NIBAN2: variants seen among roughly 807,000 people sequenced by gnomAD.
NIBAN2 encodes the protein protein Niban 2.
In NIBAN2, 36 loss-of-function variants were observed where a neutral mutation model predicts 81.8. The ratio of observed to expected loss-of-function variants is 0.44; its 90% CI spans 0.34 to 0.58. The LOEUF (loss-of-function observed/expected upper bound fraction) is 0.58, where lower values mean the gene tolerates loss of function less well. Among genes scored for constraint, NIBAN2 ranks in the 20% least tolerant of loss-of-function variants. The probability of loss-of-function intolerance (pLI) is 0.02; values close to 1 mark genes in which losing one functional copy is unlikely to be tolerated. For synonymous variants in NIBAN2, 445 were observed against 441.6 expected (o/e 1.01, Z -0.10); for missense variants, 897 against 1,014.1 (o/e 0.88, Z 1.57).
chr9:127,541,227 C>G (rs188483250), intron 1 of NIBAN2, among the ~76,000 whole-genome samples: 27 of 152,320 alleles, frequency 1.8e-4, no homozygotes, highest in African/African-American at 6.5e-4. Context: ...TCCAACAGAG[C>G]TGGGTTGGCA....
At chr9:127,558,851 C>A (rs1293433516) in intron 1 of NIBAN2, among the ~76,000 whole-genome samples, 1 of 152,172 alleles carries the variant, frequency 6.6e-6, no homozygotes, top group Non-Finnish European at 1.5e-5. Flanking sequence ...AGCTAAAACG[C>A]AATTGCCATT....
In NIBAN2 at chr9:127,508,645, GC is replaced by G; in HGVS notation, c.1318-108del. 1.0e-6 allele frequency: 1 copy of G among 964,404 alleles called. No individual in the cohort carries two copies. Among genetic ancestry groups the G allele is most frequent in the Non-Finnish European group, 1.6e-6 (1 of 608,614 alleles). 59.7% of individuals were successfully genotyped at this position (964,404 alleles called of 1,614,324 possible). On this transcript the variant is annotated intron_variant, in intron 10 of 13. Transcript: ENST00000373312. This position sits in a 1 kb window ranked among gnomAD's most constrained non-coding sequence, Gnocchi z 6.4. ...CAACCAGCCCCCCACCCCGAGGCCT[GC>G]CAGGGAGGAATGGCAAGCGGTCTAT... is the stretch of plus-strand genomic sequence containing the variant.
Position 127,517,699 on chromosome 9 carries a change from T to C in NIBAN2, c.705+127A>G, listed in dbSNP as rs529978889. On this transcript the variant is annotated intron_variant, in intron 6 of 13. Coordinates refer to ENST00000373312, the MANE Select transcript of NIBAN2 (RefSeq NM_022833.4). This position sits in a 1 kb window ranked among gnomAD's most constrained non-coding sequence, Gnocchi z 4.0. Reference sequence around the variant, plus strand: ...CACTGGCCCTGCACTTGTCCAAATCTAAGCATGTCATCTCCTTCCAAACCG... The same window carrying C: ...CACTGGCCCTGCACTTGTCCAAATCCAAGCATGTCATCTCCTTCCAAACCG... 2 of 691,792 alleles carry C rather than the reference T, an allele frequency of 2.9e-6. No homozygotes were observed. Among genetic ancestry groups the C allele is most frequent in the African/African-American group, 1.8e-5 (1 of 56,460 alleles). 42.9% of individuals were successfully genotyped at this position (691,792 alleles called of 1,614,324 possible).
At chr9:127,570,968 C>G (rs913782228), upstream of NIBAN2, among the ~76,000 whole-genome samples, 4 of 152,278 alleles carry the variant, frequency 2.6e-5, no homozygotes, top group African/African-American at 9.6e-5. Context: ...GTCTGATTCT[C>G]TCTGAGCAAC....
intron 5 of NIBAN2, among the ~76,000 whole-genome samples, chr9:127,518,674 C>T (rs778630270): frequency 6.6e-6 from 1 of 152,230 alleles, no homozygotes; most frequent in Non-Finnish European, 1.5e-5. Context: ...GTTTCCTCTT[C>T]TGAACAATGG....
At chr9:127,532,619 A>T (rs1031104938) in intron 1 of NIBAN2, among the ~76,000 whole-genome samples, 54 of 152,150 alleles carry the variant, frequency 3.5e-4, no homozygotes, top group African/African-American at 6.3e-4. Context: ...AAAAAAATTT[A>T]AAAAAATGGA....
intron 1 of NIBAN2, among the ~76,000 whole-genome samples, chr9:127,577,113 G>C (rs1588198460): frequency 6.6e-6 from 1 of 151,764 alleles, no homozygotes; most frequent in South Asian, 2.1e-4. Flanking sequence ...TTTGAGACCA[G>C]CCTGGCCAAC....
chr9:127,517,101 G>A lies in NIBAN2; in HGVS notation c.810+11C>T. 6.2e-7 allele frequency: 1 copy of A among 1,612,694 alleles called. No individual in the cohort carries two copies. The highest frequency in any genetic ancestry group is 8.5e-7 in the Non-Finnish European group (1 of 1,179,158). On this transcript the variant is annotated intron_variant, in intron 7 of 13. Transcript: ENST00000373312. The surrounding 1 kb of genome is among the most constrained non-coding windows in gnomAD (Gnocchi z 4.0). ...GTCCCGTCCCCGCTCCAGGGCCCCA[G>A]GCCCACCCACCTGGATCCACTGCCG... is the stretch of plus-strand genomic sequence containing the variant.
intron 3 of NIBAN2, 74 bp from the exon 4 acceptor site, chr9:127,525,237 C>G: frequency 8.8e-7 from 1 of 1,138,988 alleles, no homozygotes; most frequent in Middle Eastern, 2.0e-4. Context: ...GCTTCAAGGC[C>G]CTACTCAGTG....
At chr9:127,575,418 G>A (rs1837997362) in intron 1 of NIBAN2, among the ~76,000 whole-genome samples, 2 of 151,732 alleles carry the variant, frequency 1.3e-5, no homozygotes, top group Admixed American at 1.3e-4. Context: ...AGTAGAGACG[G>A]GGTTTTACCA....
chr9:127,535,356 C>A (rs1222968167), intron 1 of NIBAN2, among the ~76,000 whole-genome samples: 1 of 152,224 alleles, frequency 6.6e-6, no homozygotes, highest in African/African-American at 2.4e-5. Context: ...CAGAAAGGCC[C>A]CTGGGCTGGG....
chr9:127,511,761 T>G (rs1836739983), intron 8 of NIBAN2, among the ~76,000 whole-genome samples: 1 of 152,006 alleles, frequency 6.6e-6, no homozygotes, highest in South Asian at 2.1e-4. Flanking sequence ...GGCAAAAGAT[T>G]TGAATACATA....
intron 3 of NIBAN2, among the ~76,000 whole-genome samples, chr9:127,526,141 C>T (rs547285937): frequency 6.2e-4 from 94 of 152,094 alleles, no homozygotes; most frequent in African/African-American, 2.2e-3. Context: ...GTGGCTCACG[C>T]CTGTAATCGC....
In NIBAN2 at chr9:127,516,840, C is replaced by T. The variant is rs749989727; in HGVS notation, c.973+17G>A. ...TGGCCCCTGGAGGGCCCGTCGAGCACGGGGGTGGCTGCCTACCTCGGATCT... is the reference window on the plus strand; with the variant it reads ...TGGCCCCTGGAGGGCCCGTCGAGCATGGGGGTGGCTGCCTACCTCGGATCT... On this transcript the variant is annotated intron_variant, in intron 8 of 13. Transcript: ENST00000373312. The T allele has an allele frequency of 6.5e-5, 104 of 1,604,606 alleles. No homozygotes were observed. The highest frequency in any genetic ancestry group is 7.9e-5 in the Non-Finnish European group (93 of 1,172,232).
In NIBAN2 at chr9:127,568,593, C is replaced by G. The variant is rs575275481; in HGVS notation, c.55+227G>C. Reference sequence around the variant, plus strand: ...AGGGGTTCCGGGAGAGAAGGAGTTCCGAGTCCCCTTGAGCCGGGAAAGGTG... The same window carrying G: ...AGGGGTTCCGGGAGAGAAGGAGTTCGGAGTCCCCTTGAGCCGGGAAAGGTG... On this transcript the variant is annotated intron_variant, in intron 1 of 13. Coordinates refer to ENST00000373312, the MANE Select transcript of NIBAN2 (RefSeq NM_022833.4). Among the ~76,000 whole-genome samples the G allele has an allele frequency of 2.0e-5, 3 of 152,024 alleles. No individual in the cohort carries two copies. The East Asian group carries it at 5.9e-4, about 30-fold the overall frequency.
In NIBAN2 at chr9:127,508,412, G is replaced by A; in HGVS notation, c.1434+10C>T. 1.2e-6 allele frequency: 2 copies of A among 1,602,178 alleles called. No individual in the cohort carries two copies. Among genetic ancestry groups the A allele is most frequent in the Non-Finnish European group, 1.7e-6 (2 of 1,174,860 alleles). ...TAGGACGGTCCGGGGCAGGGCGTGG[G>A]GCCGCTCACCTTCAGCACCCGCTCC... is the stretch of plus-strand genomic sequence containing the variant. On this transcript the variant is annotated intron_variant, in intron 11 of 13. Transcript: ENST00000373312. This position sits in a 1 kb window ranked among gnomAD's most constrained non-coding sequence, Gnocchi z 6.4.
intron 3 of NIBAN2, 85 bp downstream of exon 3, chr9:127,527,109 T>C (rs1837083281): frequency 1.3e-6 from 2 of 1,551,494 alleles, no homozygotes; most frequent in African/African-American, 2.7e-5. Context: ...CGGTGGCGTC[T>C]GGGGCCTAAG....
chr9:127,516,568 G>A (rs375603365), intron 8 of NIBAN2, among the ~76,000 whole-genome samples: 6 of 152,216 alleles, frequency 3.9e-5, no homozygotes, highest in Non-Finnish European at 4.4e-5. Flanking sequence ...CTTGCTGAAC[G>A]TAAATGTACT....
At chr9:127,538,621 C>T (rs1837321801) in intron 1 of NIBAN2, among the ~76,000 whole-genome samples, 1 of 128,386 alleles carries the variant, frequency 7.8e-6, no homozygotes, top group Non-Finnish European at 1.7e-5. Flanking sequence ...AGTGAGACTC[C>T]ATCTCAAAGA....
Sources: allele counts gnomAD v4.1 joint callset (sites outside exome capture counted in the v4.1 genomes callset), GRCh38; gene constraint gnomAD v4.1.1; non-coding constraint Gnocchi (gnomAD v3.1); transcripts MANE v1.5; gene names NCBI Gene and HGNC (gene_info 2026-07-23, HGNC 2026-07-21).